Variants in ASCC3 observed in about 807,000 individuals in gnomAD.
ASCC3 encodes activating signal cointegrator 1 complex subunit 3.
ASCC3 carries 158 observed loss-of-function variants against 256.3 expected under a neutral mutation model. The ratio of observed to expected loss-of-function variants is 0.62; its 90% CI spans 0.54 to 0.70. The LOEUF is 0.70. Among genes scored for constraint, ASCC3 ranks in the 30% least tolerant of loss-of-function variants. The pLI, the probability that ASCC3 is intolerant of heterozygous loss-of-function variation, is 0.00. For missense variants in ASCC3, 2,259 were observed against 2,626.0 expected (o/e 0.86, Z 3.05); for synonymous variants, 948 against 883.4 (o/e 1.07, Z -1.30).
chr6:100,750,573 C>A (rs1176470518), intron 10 of ASCC3, among the ~76,000 whole-genome samples: 1 of 151,946 alleles, frequency 6.6e-6, no homozygotes, highest in African/African-American at 2.4e-5. Context: ...AATGCATTTA[C>A]CCCAGCATCC....
At chr6:100,661,128 T>G (rs1776173811) in intron 16 of ASCC3, among the ~76,000 whole-genome samples, 1 of 151,752 alleles carries the variant, frequency 6.6e-6, no homozygotes, top group African/African-American at 2.4e-5. Flanking sequence ...TTGAGTCAAC[T>G]TTAAAGGTAT....
At chr6:100,812,353 T>C (rs931874785) in intron 4 of ASCC3, among the ~76,000 whole-genome samples, 2 of 152,018 alleles carry the variant, frequency 1.3e-5, no homozygotes, top group Admixed American at 1.3e-4. Flanking sequence ...GGTAACCACA[T>C]GTCAAATATA....
rs1774271655 is a variant in ASCC3, at chr6:100,627,034, C to T, written c.4642+556G>A. Among the ~76,000 whole-genome samples the T allele has an allele frequency of 2.6e-5, 4 of 152,240 alleles. No individual in the cohort carries two copies. The South Asian group carries it at 8.3e-4, about 32-fold the overall frequency. On this transcript the variant is annotated intron_variant, in intron 29 of 41. Transcript: ENST00000369162. ...CACCTCACAACTGTCACCACACAATCAACAGCAGCTCACATTTGAGAATTT... is the reference window on the plus strand; with the variant it reads ...CACCTCACAACTGTCACCACACAATTAACAGCAGCTCACATTTGAGAATTT...
At chr6:100,517,199 G>A (rs1774075236) in intron 38 of ASCC3, among the ~76,000 whole-genome samples, 2 of 152,058 alleles carry the variant, frequency 1.3e-5, no homozygotes, top group South Asian at 2.1e-4. Flanking sequence ...CTTTCCTGAG[G>A]AGACTTGCTG....
chr6:100,644,928 G>A (rs1775307297), intron 22 of ASCC3, among the ~76,000 whole-genome samples: 2 of 152,192 alleles, frequency 1.3e-5, no homozygotes, highest in South Asian at 4.1e-4. Context: ...GCAAATGGGT[G>A]AAAAGTTCCT....
intron 36 of ASCC3, among the ~76,000 whole-genome samples, chr6:100,573,184 G>T (rs1770684169): frequency 6.6e-6 from 1 of 152,020 alleles, no homozygotes; most frequent in South Asian, 2.1e-4. Flanking sequence ...TTAAATATTG[G>T]AAATGATCAC....
chr6:100,725,762 T>C (rs1241835876), intron 10 of ASCC3, 59 bp from the exon 11 acceptor site: 45 of 1,582,458 alleles, frequency 2.8e-5, no homozygotes, highest in Non-Finnish European at 3.6e-5. Flanking sequence ...AACATTGAAC[T>C]GTGATACTCA....
intron 10 of ASCC3, among the ~76,000 whole-genome samples, chr6:100,759,874 C>T (rs1032629243): frequency 6.6e-6 from 1 of 152,128 alleles, no homozygotes. Context: ...TCCTTCACAT[C>T]GCTTGTTAGC....
At chr6:100,728,501 AC>A (rs1779742869) in intron 10 of ASCC3, among the ~76,000 whole-genome samples, 1 of 152,094 alleles carries the variant, frequency 6.6e-6, no homozygotes, top group Admixed American at 6.6e-5. Context: ...TATACTATAT[AC>A]CCAACAGAAA....
At chr6:100,775,220 A>G (rs1305786723) in intron 8 of ASCC3, among the ~76,000 whole-genome samples, 1 of 152,200 alleles carries the variant, frequency 6.6e-6, no homozygotes, top group African/African-American at 2.4e-5. Flanking sequence ...TTATAGTTCT[A>G]TTTGGAATAT....
chr6:100,692,885 T>TG (rs1343843828), intron 13 of ASCC3, among the ~76,000 whole-genome samples: 1 of 152,092 alleles, frequency 6.6e-6, no homozygotes, highest in African/African-American at 2.4e-5. Flanking sequence ...GATGATCTAT[T>TG]AAATACCATC....
At chr6:100,718,949 A>G (rs976142520) in intron 11 of ASCC3, among the ~76,000 whole-genome samples, 4 of 152,128 alleles carry the variant, frequency 2.6e-5, no homozygotes, top group Non-Finnish European at 5.9e-5. Flanking sequence ...AAAATATATC[A>G]GTATGATTTT....
intron 10 of ASCC3, among the ~76,000 whole-genome samples, chr6:100,732,927 C>T (rs1398973661): frequency 6.6e-6 from 1 of 151,778 alleles, no homozygotes; most frequent in Non-Finnish European, 1.5e-5. Flanking sequence ...CTTCCATTTC[C>T]TGCAATTTAA....
chr6:100,540,065 A>C, intron 37 of ASCC3, 98 bp downstream of exon 37: 1 of 1,080,696 alleles, frequency 9.3e-7, no homozygotes. Flanking sequence ...GCTACCATAA[A>C]GTTGTTAAAT....
chr6:100,695,537 C>T (rs1203029704), intron 13 of ASCC3, among the ~76,000 whole-genome samples: 3 of 151,972 alleles, frequency 2.0e-5, no homozygotes, highest in Non-Finnish European at 4.4e-5. Context: ...TCTTCATTTC[C>T]CCAGAGCCAT....
chr6:100,543,518 ATATAC>A (rs1171271098), intron 36 of ASCC3, among the ~76,000 whole-genome samples: 1 of 152,184 alleles, frequency 6.6e-6, no homozygotes, highest in African/African-American at 2.4e-5. Context: ...ATAGAAAAAG[ATATAC>A]TATGCTAACA....
intron 30 of ASCC3, among the ~76,000 whole-genome samples, chr6:100,609,632 G>T (rs1309029730): frequency 6.6e-6 from 1 of 152,134 alleles, no homozygotes; most frequent in East Asian, 1.9e-4. Context: ...GGCTGGGTGT[G>T]GTGGCTCAAA....
intron 8 of ASCC3, among the ~76,000 whole-genome samples, chr6:100,773,794 G>T (rs946309947): frequency 2.6e-5 from 4 of 151,912 alleles, no homozygotes; most frequent in African/African-American, 9.7e-5. Context: ...CTTGGAAAAA[G>T]AACTATAATT....
At chr6:100,627,541 G>A (rs1273445774) in intron 29 of ASCC3, 49 bp downstream of exon 29, 12 of 1,608,450 alleles carry the variant, frequency 7.5e-6, no homozygotes, top group African/African-American at 2.7e-5. Flanking sequence ...ATATTTGATA[G>A]CTACCATAAA....
Sources: allele counts gnomAD v4.1 joint callset (sites outside exome capture counted in the v4.1 genomes callset), GRCh38; gene constraint gnomAD v4.1.1; transcripts MANE v1.5; gene names NCBI Gene and HGNC (gene_info 2026-07-23, HGNC 2026-07-21).